The following PKD1L3 variants were observed in gnomAD, a reference collection of about 807,000 sequenced individuals.
The protein encoded by PKD1L3 is polycystin 1 like 3, transient receptor potential channel interacting.
A neutral mutation model predicts 184.1 loss-of-function variants in PKD1L3; 239 were observed. The ratio of observed to expected loss-of-function variants is 1.30; its 90% CI spans 1.17 to 1.45. The LOEUF (loss-of-function observed/expected upper bound fraction) is 1.45, where lower values mean the gene tolerates loss of function less well. PKD1L3 is among the 40% of genes most tolerant of loss of function. PKD1L3 has a pLI of 0.00. For synonymous variants in PKD1L3, 996 were observed against 778.8 expected, an observed-to-expected ratio of 1.28 and a Z score of -4.64; for missense variants, 2,660 against 2,067.2, an observed-to-expected ratio of 1.29 and a Z score of -5.56.
At chr16:71,984,304 T>C in intron 5 of PKD1L3, 137 bp from the exon 6 acceptor site, 1 of 794,610 alleles carries the variant, frequency 1.3e-6, no homozygotes, top group Non-Finnish European at 1.9e-6. Context: ...AAAACAGTGA[T>C]TACTTTCAGA....
At chr16:71,956,889 T>C (rs1472511910) in intron 16 of PKD1L3, among the ~76,000 whole-genome samples, 1 of 152,232 alleles carries the variant, frequency 6.6e-6, no homozygotes, top group Non-Finnish European at 1.5e-5. Flanking sequence ...TTGCAACTCT[T>C]CTGCCTTAAA....
chr16:71,941,968 CATA>C (rs1243738202), intron 24 of PKD1L3, among the ~76,000 whole-genome samples: 1 of 151,618 alleles, frequency 6.6e-6, no homozygotes, highest in African/African-American at 2.4e-5. Flanking sequence ...AGCATGCCAG[CATA>C]ATACTTTTTA....
intron 15 of PKD1L3, among the ~76,000 whole-genome samples, chr16:71,966,423 CTT>C (rs532620279): frequency 7.0e-6 from 1 of 142,662 alleles, no homozygotes; most frequent in African/African-American, 2.5e-5. Flanking sequence ...AAGATCTTGA[CTT>C]TTTTTTTTTT....
chr16:71,951,435 C>T (rs1403318706), intron 19 of PKD1L3, 129 bp downstream of exon 19: 24 of 931,884 alleles, frequency 2.6e-5, no homozygotes, highest in Non-Finnish European at 2.7e-5. Context: ...ATACTAGAAG[C>T]TTAAGGAAAT....
chr16:71,984,202 T>C lies in PKD1L3; in HGVS notation c.835-35A>G. 1.1e-5 allele frequency: 17 copies of C among 1,540,532 alleles called. No individual in the cohort carries two copies. In the Middle Eastern group the frequency reaches 1.9e-3, roughly 168 times the overall value. ...ACAAAGAAGTTGTCAAAATTACTCA[T>C]ACAAAATTACTGTACTGTAGTAGTC... On this transcript the variant is annotated intron_variant, in intron 5 of 29. Coordinates refer to ENST00000620267, the MANE Select transcript of PKD1L3 (RefSeq NM_181536.2).
At chr16:71,994,437 G>C (rs905920055) in intron 2 of PKD1L3, among the ~76,000 whole-genome samples, 2 of 152,124 alleles carry the variant, frequency 1.3e-5, no homozygotes, top group African/African-American at 4.8e-5. Flanking sequence ...CCTGTAGCGA[G>C]ACAATGCCTT....
At chr16:71,998,495 A>G (rs1424450357) in intron 1 of PKD1L3, 101 bp from the exon 2 acceptor site, 13 of 1,424,616 alleles carry the variant, frequency 9.1e-6, no homozygotes, top group Non-Finnish European at 1.2e-5. Context: ...CAGTCACCCA[A>G]GCTGGAGTGC....
chr16:71,980,240 A>G, intron 7 of PKD1L3, 106 bp from the exon 8 acceptor site: 1 of 1,380,118 alleles, frequency 7.2e-7, no homozygotes, highest in Non-Finnish European at 9.8e-7. Flanking sequence ...CAGTGTTGTA[A>G]TGAAGGGTAG....
At chr16:71,961,389 T>C (rs1183801332) in intron 16 of PKD1L3, among the ~76,000 whole-genome samples, 2 of 152,062 alleles carry the variant, frequency 1.3e-5, no homozygotes, top group Non-Finnish European at 2.9e-5. Flanking sequence ...TCCCAAAATG[T>C]TGGGATTACA....
intron 11 of PKD1L3, 112 bp downstream of exon 11, chr16:71,977,124 G>T: frequency 2.5e-6 from 2 of 788,064 alleles, no homozygotes; most frequent in Non-Finnish European, 4.2e-6. Flanking sequence ...AAGGCAGGAG[G>T]ATCCCCTGAG....
rs1239800146 is a variant in PKD1L3, at chr16:71,953,007, G to A, written c.2896C>T (p.Arg966Trp). 24 of 1,549,094 alleles carry A rather than the reference G, an allele frequency of 1.5e-5. No homozygotes were observed. The highest frequency in any genetic ancestry group is 2.5e-5 in the East Asian group (1 of 40,702). The change falls in exon 18 of 30, where the codon CGG becomes TGG. Residue 966 changes from arginine (R) to tryptophan (W), a missense_variant. By Grantham distance (101) the Arg-to-Trp change is moderately radical. Transcript: ENST00000620267. ...ILFPINLVIG[R>W]LFPLIEPQET... ...TGTGGCTCAATCAACGGGAAGAGCCGCCCTATGACAAGATTGATTGGGAAG... is the reference window on the plus strand; with the variant it reads ...TGTGGCTCAATCAACGGGAAGAGCCACCCTATGACAAGATTGATTGGGAAG...
chr16:71,979,723 C>T, intron 9 of PKD1L3, 63 bp downstream of exon 9: 1 of 1,450,436 alleles, frequency 6.9e-7, no homozygotes, highest in Non-Finnish European at 9.1e-7. Context: ...TTACTTTCAC[C>T]CAAATGCCTA....
chr16:71,951,271 C>G (rs918317596), intron 19 of PKD1L3, among the ~76,000 whole-genome samples: 1 of 152,214 alleles, frequency 6.6e-6, no homozygotes, highest in African/African-American at 2.4e-5. Context: ...ATCTCCTGAC[C>G]TCAGGTAATC....
intron 24 of PKD1L3, among the ~76,000 whole-genome samples, chr16:71,939,736 C>G (rs569515978): frequency 7.2e-5 from 11 of 152,102 alleles, no homozygotes; most frequent in Non-Finnish European, 1.2e-4. Context: ...TGGAAGGATA[C>G]TTGTGAGCCA....
chr16:71,993,183 A>G (rs752356364), intron 3 of PKD1L3, 33 bp downstream of exon 3: 1 of 1,419,792 alleles, frequency 7.0e-7, no homozygotes. Context: ...GATTCCACGG[A>G]TTTTTAAGGT....
chr16:71,977,353 T>C lies in PKD1L3; in HGVS notation c.1642A>G (p.Ser548Gly). Residue 548 changes from serine (S) to glycine (G), a missense_variant, in exon 11 of 30, where the codon AGC becomes GGC. Coordinates refer to ENST00000620267, the MANE Select transcript of PKD1L3 (RefSeq NM_181536.2). ...VTSLEKSLIV[S>G]IDPDSPLLMT... ...AAAAGGGGACTGTCAGGATCTATGCTCACTATCAAGGATTTCTCCAAGGAA... is the reference window on the plus strand; with the variant it reads ...AAAAGGGGACTGTCAGGATCTATGCCCACTATCAAGGATTTCTCCAAGGAA... The C allele has an allele frequency of 6.5e-7, 1 of 1,548,786 alleles. No individual in the cohort carries two copies. The highest frequency in any genetic ancestry group is 8.7e-7 in the Non-Finnish European group (1 of 1,144,368).
At chr16:71,932,445 C>G (rs1597272073) in intron 28 of PKD1L3, among the ~76,000 whole-genome samples, 2 of 152,104 alleles carry the variant, frequency 1.3e-5, no homozygotes, top group South Asian at 4.1e-4. Context: ...TCTCTTAGAA[C>G]TGTACCTTCC....
chr16:71,971,525 A>G (rs976156893), intron 12 of PKD1L3, among the ~76,000 whole-genome samples: 6 of 152,140 alleles, frequency 3.9e-5, no homozygotes, highest in African/African-American at 1.4e-4. Flanking sequence ...ATGGAGTCCA[A>G]GCACTTCAGC....
intron 16 of PKD1L3, among the ~76,000 whole-genome samples, chr16:71,960,552 G>C (rs12926408): frequency 0.28 from 40,837 of 146,054 alleles, 5,675 homozygotes; most frequent in South Asian, 0.42. Context: ...AAAAAAAAAA[G>C]TATCCAGAAG....
Sources: gnomAD v4.1 joint callset for allele counts (sites outside exome capture counted in the v4.1 genomes callset) on GRCh38, gnomAD v4.1.1 for gene constraint, MANE v1.5 for transcripts, NCBI Gene and HGNC (gene_info 2026-07-23, HGNC 2026-07-21) for gene names.